Variants in RAB3GAP2 observed in about 807,000 individuals in gnomAD.
The protein encoded by RAB3GAP2 is rab3 GTPase-activating protein non-catalytic subunit.
RAB3GAP2 carries 87 observed loss-of-function variants against 185.3 expected under a neutral mutation model. The ratio of observed to expected loss-of-function variants is 0.47; its 90% CI spans 0.39 to 0.56. The LOEUF (loss-of-function observed/expected upper bound fraction) is 0.56, where lower values mean the gene tolerates loss of function less well. RAB3GAP2 is among the 20% of genes least tolerant of loss of function. The probability of loss-of-function intolerance (pLI) is 0.00; values close to 1 mark genes in which losing one functional copy is unlikely to be tolerated. For missense variants in RAB3GAP2, 1,492 were observed against 1,638.2 expected, an observed-to-expected ratio of 0.91 and a Z score of 1.54; for synonymous variants, 554 against 576.1, an observed-to-expected ratio of 0.96 and a Z score of 0.55.
rs145550355 is a variant in RAB3GAP2 at position 220,171,031 on chromosome 1, A to C, written c.2667T>G (p.Leu889=). 4.2e-4 allele frequency: 672 copies of C among 1,614,018 alleles called. 1 individual carries two copies. The highest frequency in any genetic ancestry group is 5.5e-4 in the Non-Finnish European group (648 of 1,180,006). The change falls in exon 24 of 35, where the codon CTT becomes CTG. Residue 889 remains leucine, a synonymous_variant. Coordinates refer to ENST00000358951, the MANE Select transcript of RAB3GAP2 (RefSeq NM_012414.4). ...TGAGACAATCCTCCAGCTGTTTCAG[A>C]AGGAGTTTCCAGTACTCAGTGTCAA... ...LSLDTEYWKL[L]LKQLEDCLIL...
At chr1:220,200,030 T>C (rs887326669) in intron 9 of RAB3GAP2, among the ~76,000 whole-genome samples, 2 of 152,188 alleles carry the variant, frequency 1.3e-5, no homozygotes, top group African/African-American at 4.8e-5. Context: ...AAATCGGATC[T>C]CCTTATCCCT....
intron 2 of RAB3GAP2, among the ~76,000 whole-genome samples, chr1:220,227,890 T>C (rs1461773428): frequency 6.6e-6 from 1 of 152,178 alleles, no homozygotes; most frequent in Non-Finnish European, 1.5e-5. Context: ...TAGCTGGGAT[T>C]ACAGGCATGT....
At chr1:220,152,208 T>G (rs900576896) in intron 33 of RAB3GAP2, among the ~76,000 whole-genome samples, 4 of 152,220 alleles carry the variant, frequency 2.6e-5, no homozygotes, top group East Asian at 1.9e-4. Flanking sequence ...CCCAAGTAGC[T>G]GGGATTACAG....
intron 5 of RAB3GAP2, 23 bp downstream of exon 5, chr1:220,210,932 A>C: frequency 1.9e-6 from 3 of 1,614,016 alleles, no homozygotes; most frequent in Non-Finnish European, 2.5e-6. Flanking sequence ...CAAAGAAAAC[A>C]GATGACTCTT....
rs539872014 is a variant in RAB3GAP2, at chr1:220,172,600, C to T, written c.2416+37G>A. The stretch of plus-strand genomic sequence containing the variant: ...CCATCTTTTTGTGACATTTCAAACA[C>T]GAAACTTTGTTGACGAGAGCAACAA... On this transcript the variant is annotated intron_variant, in intron 22 of 34. Coordinates refer to ENST00000358951, the MANE Select transcript of RAB3GAP2 (RefSeq NM_012414.4). The T allele has an allele frequency of 8.0e-5, 114 of 1,420,240 alleles. 1 individual carries two copies. In the South Asian group the frequency reaches 9.3e-4, roughly 12 times the overall value. 88.0% of individuals were successfully genotyped at this position (1,420,240 alleles called of 1,614,324 possible). A position where few individuals can be genotyped will look rare whatever the true frequency, so the allele number is the denominator to read the frequency against.
chr1:220,253,796 T>C (rs1030781365), intron 1 of RAB3GAP2: 44 of 1,611,818 alleles, frequency 2.7e-5, no homozygotes, highest in Non-Finnish European at 3.6e-5. Context: ...CAGCGAGAAC[T>C]TCAAAAAGCC....
intron 31 of RAB3GAP2, 122 bp from the exon 32 acceptor site, chr1:220,154,179 G>T: frequency 7.3e-7 from 1 of 1,370,730 alleles, no homozygotes; most frequent in Non-Finnish European, 9.8e-7. Flanking sequence ...TGAACAGTAA[G>T]ATTTTAGAAT....
intron 2 of RAB3GAP2, 33 bp downstream of exon 2, chr1:220,232,766 T>C: frequency 6.4e-7 from 1 of 1,560,370 alleles, no homozygotes; most frequent in South Asian, 1.1e-5. Context: ...AATGCCACTA[T>C]CAAAAAACAT....
chr1:220,178,189 T>C (rs1658332564), intron 21 of RAB3GAP2, among the ~76,000 whole-genome samples: 1 of 152,164 alleles, frequency 6.6e-6, no homozygotes, highest in Admixed American at 6.5e-5. Context: ...ATACTGTACG[T>C]GGCAAAGTTA....
At chr1:220,248,078 T>C (rs541085337) in intron 1 of RAB3GAP2, among the ~76,000 whole-genome samples, 3 of 152,128 alleles carry the variant, frequency 2.0e-5, no homozygotes, top group Middle Eastern at 3.4e-3. Context: ...CTCAGATATA[T>C]ATTGAAGTGT....
chr1:220,171,975 A>T lies in RAB3GAP2; in HGVS notation c.2491T>A (p.Ser831Thr). Residue 831 changes from serine (S) to threonine (T), a missense_variant, in exon 23 of 35, where the codon TCT becomes ACT. Physicochemically the swap from Ser to Thr is moderately conservative, Grantham distance 58. This residue lies in a region of RAB3GAP2 where 681 missense variants were observed against 689.1 expected (regional missense o/e 0.99). Transcript: ENST00000358951. ...AACAGAGCGGCTCCATTGTTCTCAG[A>T]CTGAATACAGGCTGTGCGCATCTGC... The part of the protein sequence containing the change: ...WQQMRTACIQ[S>T]ENNGAALLSA... 6.2e-7 allele frequency: 1 copy of T among 1,614,182 alleles called. No homozygotes were observed. The highest frequency in any genetic ancestry group is 8.5e-7 in the Non-Finnish European group (1 of 1,180,020).
intron 7 of RAB3GAP2, 137 bp from the exon 8 acceptor site, chr1:220,206,143 T>G: frequency 1.7e-6 from 1 of 600,890 alleles, no homozygotes; most frequent in Non-Finnish European, 2.9e-6. Flanking sequence ...ACAGTAAAAA[T>G]AGATAAAAAA....
intron 21 of RAB3GAP2, among the ~76,000 whole-genome samples, chr1:220,176,771 C>G (rs1658297831): frequency 1.3e-5 from 2 of 152,148 alleles, no homozygotes; most frequent in African/African-American, 2.4e-5. Flanking sequence ...AGGGCCCCCT[C>G]ACTGCAGCTG....
At chr1:220,213,744 GAGA>G in intron 3 of RAB3GAP2, 109 bp downstream of exon 3, 3 of 896,014 alleles carry the variant, frequency 3.3e-6, no homozygotes, top group Non-Finnish European at 4.7e-6. Flanking sequence ...GGGGGGGGGG[GAGA>G]GAGAGAGAAA....
intron 1 of RAB3GAP2, among the ~76,000 whole-genome samples, chr1:220,252,282 T>C (rs780134646): frequency 1.3e-5 from 2 of 151,660 alleles, no homozygotes; most frequent in Admixed American, 6.6e-5. Flanking sequence ...AGGTTGCAGA[T>C]ATGCATTTTA....
At position 220,190,111 on chromosome 1, in the gene RAB3GAP2, A is replaced by G; in HGVS notation, c.1667T>C (p.Leu556Pro). 6.2e-7 allele frequency: 1 copy of G among 1,613,604 alleles called. No homozygotes were observed. The highest frequency in any genetic ancestry group is 8.5e-7 in the Non-Finnish European group (1 of 1,179,602). The change falls in exon 16 of 35, where the codon CTA (leucine) becomes CCA (proline). Residue 556 changes from leucine (L) to proline (P), a missense_variant. By Grantham distance (98) the Leu-to-Pro change is moderately conservative. Coordinates refer to ENST00000358951, the MANE Select transcript of RAB3GAP2 (RefSeq NM_012414.4). ...CAGTAAGGCTGCTAGTTTCTTCACT[A>G]GGTGCATATCCTTGGCTCGTTCACT... Reference protein sequence around the residue: ...KKSERAKDMHLVKKLAALLKT... With the variant: ...KKSERAKDMHPVKKLAALLKT...
chr1:220,149,272 G>GACTT lies in RAB3GAP2; in HGVS notation c.*1975_*1978dup, dbSNP rs1158729208. The GACTT allele has an allele frequency of 4.9e-4, 74 of 152,210 alleles. No homozygotes were observed. The highest frequency in any genetic ancestry group is 3.4e-4 in the Non-Finnish European group (23 of 68,006). The allele number at this position is 152,210 out of a possible 1,614,324, so 9.4% of individuals were successfully genotyped here. A position where few individuals can be genotyped will look rare whatever the true frequency, so the allele number is the denominator to read the frequency against. On this transcript the variant is annotated 3_prime_UTR_variant, in exon 35 of 35. Transcript: ENST00000358951. ...TTTTAGGATAACAAATCTAACTAGA[G>GACTT]ACTTAATGATTTGTGTTAGGATTCT...
chr1:220,222,656 T>TCTTATTTAC (rs1327315323), intron 2 of RAB3GAP2, among the ~76,000 whole-genome samples: 3 of 152,228 alleles, frequency 2.0e-5, no homozygotes, highest in Admixed American at 1.3e-4. Context: ...TTACTTCAAC[T>TCTTATTTAC]GTCAATTCAA....
chr1:220,162,240 G>A lies in RAB3GAP2; in HGVS notation c.3183C>T (p.Phe1061=). 6.3e-7 allele frequency: 1 copy of A among 1,596,374 alleles called. No individual in the cohort carries two copies. Among genetic ancestry groups the A allele is most frequent in the Non-Finnish European group, 8.6e-7 (1 of 1,164,204 alleles). The change falls in exon 28 of 35, where the codon TTC becomes TTT. Residue 1061 remains phenylalanine, a synonymous_variant. Coordinates refer to ENST00000358951, the MANE Select transcript of RAB3GAP2 (RefSeq NM_012414.4). The stretch of plus-strand genomic sequence containing the variant: ...TAGCAGCAGAAAATCTTTTAACTAA[G>A]AACGTATTCCACATCATCAGTGCAA... ...NGIALMMWNT[F]LVKRFSAATY... is the part of the protein sequence containing the mutation.
Sources: allele counts gnomAD v4.1 joint callset (sites outside exome capture counted in the v4.1 genomes callset), GRCh38; gene constraint gnomAD v4.1.1; regional missense constraint gnomAD v4.1.1; transcripts MANE v1.5; gene names NCBI Gene and HGNC (gene_info 2026-07-23, HGNC 2026-07-21).